Variants in MYLK observed in about 807,000 individuals in gnomAD.
The protein encoded by MYLK is myosin light chain kinase, smooth muscle.
MYLK carries 106 observed loss-of-function variants against 203.4 expected under a neutral mutation model. The observed-to-expected ratio is 0.52, with a 90% CI of 0.45 to 0.61. MYLK has a LOEUF of 0.61. Among genes scored for constraint, MYLK ranks in the 20% least tolerant of loss-of-function variants. The probability of loss-of-function intolerance (pLI) is 0.00; values close to 1 mark genes in which losing one functional copy is unlikely to be tolerated. For missense variants in MYLK, 2,072 were observed against 2,442.3 expected (o/e 0.85, Z 3.20); for synonymous variants, 867 against 959.5 (o/e 0.90, Z 1.78).
chr3:123,647,803 C>T (rs574282836), intron 26 of MYLK, among the ~76,000 whole-genome samples: 2 of 152,108 alleles, frequency 1.3e-5, no homozygotes, highest in East Asian at 1.9e-4. Flanking sequence ...CCTCCCACCT[C>T]GGCCTCCCAA....
chr3:123,662,660 C>T (rs769794354), intron 23 of MYLK, among the ~76,000 whole-genome samples: 21 of 152,344 alleles, frequency 1.4e-4, no homozygotes, highest in Non-Finnish European at 2.1e-4. Context: ...CTTCTAACCA[C>T]GGTAGCCACA....
At chr3:123,763,423 G>A (rs529463115) in intron 4 of MYLK, among the ~76,000 whole-genome samples, 1 of 152,258 alleles carries the variant, frequency 6.6e-6, no homozygotes, top group Admixed American at 6.5e-5. Context: ...CCACCGTTTT[G>A]ATAGAATACC....
Position 123,794,314 on chromosome 3 carries a change from G to A in MYLK, c.-3-470C>T, listed in dbSNP as rs141785159. ...AGAGCTCACAGGCTATAGAAAAATGGGATCCATACTCCAAGAGAGGAAGGT... is the reference window on the plus strand; with the variant it reads ...AGAGCTCACAGGCTATAGAAAAATGAGATCCATACTCCAAGAGAGGAAGGT... On this transcript the variant is annotated intron_variant, in intron 3 of 33. Transcript: ENST00000360304. Among the ~76,000 whole-genome samples the A allele has an allele frequency of 2.8e-3, 429 of 152,286 alleles. 2 individuals carry two copies. The highest frequency in any genetic ancestry group is 6.8e-3 in the Middle Eastern group (2 of 294).
At chr3:123,721,874 TGGAGG>T (rs1490003965) in intron 13 of MYLK, among the ~76,000 whole-genome samples, 31 of 149,938 alleles carry the variant, frequency 2.1e-4, no homozygotes, top group Admixed American at 6.7e-5. Flanking sequence ...TGTGAACTCC[TGGAGG>T]TCATCTCCCT....
chr3:123,752,292 G>C, intron 5 of MYLK, 39 bp downstream of exon 5: 1 of 1,605,734 alleles, frequency 6.2e-7, no homozygotes, highest in Non-Finnish European at 8.5e-7. Flanking sequence ...GTAACTGAGA[G>C]CTCAGCTCCC....
rs541546964 is a variant in MYLK, at chr3:123,633,816, T to G, written c.4962-4190A>C. 4.3e-4 allele frequency among the ~76,000 whole-genome samples: 65 copies of G among 152,240 alleles called. 1 individual carries two copies. In the South Asian group the frequency reaches 8.3e-3, roughly 19 times the overall value. On this transcript the variant is annotated intron_variant, in intron 29 of 33. Coordinates refer to ENST00000360304, the MANE Select transcript of MYLK (RefSeq NM_053025.4). ...GAGCAGAGGGTGCAGAAATGCCTCT[T>G]GGACTACACTTTCTGTGTGTGTGTG...
At chr3:123,645,608 C>G (rs1200800816) in intron 27 of MYLK, among the ~76,000 whole-genome samples, 1 of 152,200 alleles carries the variant, frequency 6.6e-6, no homozygotes, top group Admixed American at 6.5e-5. Flanking sequence ...TAACCCAGCT[C>G]TCCTTCACTT....
rs190924920 is a variant in MYLK at position 123,618,231 on chromosome 3, G to A, written c.5500+408C>T. The A allele has an allele frequency of 5.2e-5, 13 of 250,456 alleles. No homozygotes were observed. In the East Asian group the frequency reaches 1.4e-3, roughly 26 times the overall value. The allele number at this position is 250,456 out of a possible 1,614,324, so 15.5% of individuals were successfully genotyped here. ...AGCCTGTGGACGAGTAGCAGAGCCTGCCGATTCCACATCCTATGCCTTTGT... is the reference window on the plus strand; with the variant it reads ...AGCCTGTGGACGAGTAGCAGAGCCTACCGATTCCACATCCTATGCCTTTGT... On this transcript the variant is annotated intron_variant, in intron 33 of 33. Coordinates refer to ENST00000360304, the MANE Select transcript of MYLK (RefSeq NM_053025.4).
intron 23 of MYLK, among the ~76,000 whole-genome samples, chr3:123,663,236 T>G (rs820323): frequency 0.52 from 78,364 of 151,824 alleles, 22,090 homozygotes; most frequent in Non-Finnish European, 0.65. Flanking sequence ...GAAGACAGTG[T>G]TAAGGGAGGA....
At chr3:123,739,278 T>C (rs900297936) in intron 6 of MYLK, among the ~76,000 whole-genome samples, 1 of 152,236 alleles carries the variant, frequency 6.6e-6, no homozygotes, top group Non-Finnish European at 1.5e-5. Flanking sequence ...CTAGACTTCA[T>C]TTACTAGCCT....
intron 4 of MYLK, among the ~76,000 whole-genome samples, chr3:123,779,996 A>T (rs1456905117): frequency 6.6e-6 from 1 of 152,178 alleles, no homozygotes; most frequent in Non-Finnish European, 1.5e-5. Context: ...TTATTGCATG[A>T]GTACAAACAT....
chr3:123,716,372 T>C (rs549782840), intron 13 of MYLK: 22 of 152,326 alleles, frequency 1.4e-4, no homozygotes, highest in African/African-American at 4.3e-4. Context: ...AATGGCTACT[T>C]TGTGGCATTA....
At chr3:123,855,304 C>T (rs933443884) in intron 2 of MYLK, among the ~76,000 whole-genome samples, 8 of 152,060 alleles carry the variant, frequency 5.3e-5, no homozygotes, top group African/African-American at 1.2e-4. Context: ...ATTTCTGTGC[C>T]GCAGCCAGGC....
intron 11 of MYLK, 78 bp from the exon 12 acceptor site, chr3:123,726,156 A>T: frequency 6.3e-7 from 1 of 1,591,106 alleles, no homozygotes; most frequent in Non-Finnish European, 8.6e-7. Flanking sequence ...CCAGCCTCCC[A>T]GGCACGCCTC....
intron 4 of MYLK, among the ~76,000 whole-genome samples, chr3:123,763,927 C>T (rs1479430716): frequency 1.3e-5 from 2 of 152,202 alleles, no homozygotes; most frequent in African/African-American, 4.8e-5. Flanking sequence ...ATGGAACTCC[C>T]ATGAACTGGA....
intron 3 of MYLK, among the ~76,000 whole-genome samples, chr3:123,818,427 A>ATT (rs1438956490): frequency 6.6e-6 from 1 of 152,094 alleles, no homozygotes; most frequent in Non-Finnish European, 1.5e-5. Flanking sequence ...AACCACAGGG[A>ATT]ACCTGTAATC....
intron 31 of MYLK, chr3:123,624,147 C>T (rs917013945): frequency 6.6e-6 from 1 of 151,950 alleles, no homozygotes; most frequent in Admixed American, 6.6e-5. Flanking sequence ...ATAGTGAGAC[C>T]CTGTTTCTAC....
intron 5 of MYLK, among the ~76,000 whole-genome samples, chr3:123,741,426 G>A (rs2062852783): frequency 1.3e-5 from 2 of 152,152 alleles, no homozygotes; most frequent in Admixed American, 1.3e-4. Flanking sequence ...AAGTGTTTTG[G>A]TTTTTGTCAT....
chr3:123,642,993 CA>C lies in MYLK; in HGVS notation c.4620-2490del, dbSNP rs2058887996. ...AATTACTCCAGGTCATCCTTATGAT[CA>C]GACAAGTTTGAGAAATACTGGCTTA... On this transcript the variant is annotated intron_variant, in intron 27 of 33. Coordinates refer to ENST00000360304, the MANE Select transcript of MYLK (RefSeq NM_053025.4). The surrounding 1 kb of genome is among the most constrained non-coding windows in gnomAD (Gnocchi z 4.2). Among the ~76,000 whole-genome samples the C allele has an allele frequency of 6.6e-6, 1 of 152,188 alleles. No individual in the cohort carries two copies.
Sources: gnomAD v4.1 joint callset for allele counts (sites outside exome capture counted in the v4.1 genomes callset) on GRCh38, gnomAD v4.1.1 for gene constraint, Gnocchi (gnomAD v3.1) non-coding constraint, MANE v1.5 for transcripts, NCBI Gene and HGNC (gene_info 2026-07-23, HGNC 2026-07-21) for gene names.